NLK: variants seen among roughly 807,000 people sequenced by gnomAD.
NLK encodes nemo like kinase, also known as serine/threonine-protein kinase NLK.
A neutral mutation model predicts 59.0 loss-of-function variants in NLK; 11 were observed. The ratio of observed to expected loss-of-function variants is 0.19; its 90% CI spans 0.12 to 0.31. The LOEUF (loss-of-function observed/expected upper bound fraction) is 0.31, where lower values mean the gene tolerates loss of function less well. Among genes scored for constraint, NLK ranks in the 10% least tolerant of loss-of-function variants. The pLI is 1.00. For synonymous variants in NLK, 235 were observed against 235.9 expected, an observed-to-expected ratio of 1.00 and a Z score of 0.03; for missense variants, 410 against 661.1, an observed-to-expected ratio of 0.62 and a Z score of 4.16.
At chr17:28,084,688 C>T (rs1190361415) in intron 1 of NLK, among the ~76,000 whole-genome samples, 3 of 152,220 alleles carry the variant, frequency 2.0e-5, no homozygotes, top group East Asian at 1.9e-4. Context: ...CTCAGCCTCC[C>T]GAGTAGCTGA....
At chr17:28,146,407 CGAT>C (rs942764425) in intron 3 of NLK, among the ~76,000 whole-genome samples, 2 of 63,386 alleles carry the variant, frequency 3.2e-5, no homozygotes, top group Non-Finnish European at 6.4e-5. Context: ...ATGATGATGA[CGAT>C]GATGATGATG....
chr17:28,122,820 C>G, intron 2 of NLK, 88 bp downstream of exon 2: 3 of 1,466,898 alleles, frequency 2.0e-6, no homozygotes, highest in East Asian at 2.3e-5. Flanking sequence ...AAAAGGGCAC[C>G]TATAAGTAAA....
chr17:28,094,103 ATACT>A (rs1266900900), intron 1 of NLK, among the ~76,000 whole-genome samples: 2 of 152,338 alleles, frequency 1.3e-5, no homozygotes, highest in Non-Finnish European at 2.9e-5. Flanking sequence ...TCATCAGATG[ATACT>A]TAATAACTTG....
rs918123043 is a variant in NLK at position 28,165,174 on chromosome 17, T to A, written c.837+1546T>A. ...CCTATCCCCATAATCGTTTTTTAATTAAAAAAAAAATTTAAACCTTATAGT... is the reference window on the plus strand; with the variant it reads ...CCTATCCCCATAATCGTTTTTTAATAAAAAAAAAAATTTAAACCTTATAGT... On this transcript the variant is annotated intron_variant, in intron 5 of 10. Transcript: ENST00000407008. 7.4e-4 allele frequency among the ~76,000 whole-genome samples: 112 copies of A among 150,766 alleles called. 4 individuals are homozygous for A. The highest frequency in any genetic ancestry group is 7.3e-3 in the Admixed American group (111 of 15,104).
intron 1 of NLK, among the ~76,000 whole-genome samples, chr17:28,077,276 G>C (rs1910202270): frequency 6.6e-6 from 1 of 151,854 alleles, no homozygotes. Flanking sequence ...GAAGGCCTCA[G>C]AATCATGGTG....
chr17:28,157,274 C>T (rs540756820), intron 3 of NLK, among the ~76,000 whole-genome samples: 2 of 152,286 alleles, frequency 1.3e-5, no homozygotes, highest in African/African-American at 2.4e-5. Context: ...TCACTGCAAC[C>T]TCTGCCTCCT....
At chr17:28,099,268 T>A (rs915036949) in intron 1 of NLK, among the ~76,000 whole-genome samples, 1 of 152,142 alleles carries the variant, frequency 6.6e-6, no homozygotes, top group Non-Finnish European at 1.5e-5. Context: ...TTTTTTAAAA[T>A]TAAGATTTTG....
At chr17:28,062,045 C>T (rs1488156138) in intron 1 of NLK, 2 of 150,702 alleles carry the variant, frequency 1.3e-5, no homozygotes, top group Non-Finnish European at 2.9e-5. Flanking sequence ...GGTTCCAGAC[C>T]TGGAGGTGCC....
At chr17:28,165,768 G>A in intron 5 of NLK, among the ~76,000 whole-genome samples, 1 of 152,036 alleles carries the variant, frequency 6.6e-6, no homozygotes, top group Non-Finnish European at 1.5e-5. Context: ...TAAGGGATTT[G>A]CTTTATAACA....
chr17:28,153,909 C>A (rs1907590975), intron 3 of NLK, among the ~76,000 whole-genome samples: 1 of 152,124 alleles, frequency 6.6e-6, no homozygotes, highest in Non-Finnish European at 1.5e-5. Context: ...AAAATTGTCA[C>A]CCTAGTAGAA....
downstream of NLK, among the ~76,000 whole-genome samples, chr17:28,197,792 A>G (rs1009638692): frequency 6.6e-6 from 1 of 152,198 alleles, no homozygotes; most frequent in African/African-American, 2.4e-5. Context: ...TAAGAATAGA[A>G]TGCAAAATTT....
At chr17:28,142,623 T>G (rs927082999) in intron 3 of NLK, among the ~76,000 whole-genome samples, 1 of 152,206 alleles carries the variant, frequency 6.6e-6, no homozygotes, top group African/African-American at 2.4e-5. Context: ...AGATTGTCAT[T>G]ATCCACGCTA....
chr17:28,113,397 T>TC (rs1392484663), intron 1 of NLK, among the ~76,000 whole-genome samples: 1 of 152,200 alleles, frequency 6.6e-6, no homozygotes, highest in African/African-American at 2.4e-5. Flanking sequence ...GAATGACTAC[T>TC]CCATAGGCAG....
At chr17:28,043,408 T>C in intron 1 of NLK, 77 bp downstream of exon 1, 1 of 1,270,902 alleles carries the variant, frequency 7.9e-7, no homozygotes. Flanking sequence ...TCTCTAATGG[T>C]TGTCTCCATG....
chr17:28,121,562 A>G (rs1906060129), intron 1 of NLK, among the ~76,000 whole-genome samples: 1 of 121,512 alleles, frequency 8.2e-6, no homozygotes, highest in African/African-American at 3.3e-5. Context: ...GAGTGCAGTC[A>G]AGAAATCTTG....
rs371819139 is a variant in NLK, at chr17:28,132,556, A to G, written c.589-64A>G. The G allele has an allele frequency of 1.8e-5, 22 of 1,251,962 alleles. 1 individual carries two copies. Among genetic ancestry groups the G allele is most frequent in the East Asian group, 1.2e-4 (5 of 40,310 alleles). 77.6% of individuals were successfully genotyped at this position (1,251,962 alleles called of 1,614,324 possible). ...TAAAGAGTTGTTAGTATTTACTTGC[A>G]TTTATGTCGAATTTTGTTTCCTTTT... On this transcript the variant is annotated intron_variant, in intron 2 of 10. Transcript: ENST00000407008.
chr17:28,138,539 G>GT (rs1906855050), intron 3 of NLK, among the ~76,000 whole-genome samples: 1 of 152,206 alleles, frequency 6.6e-6, no homozygotes, highest in Admixed American at 6.5e-5. Context: ...ATTTCAGCCA[G>GT]TAAGAGTCTC....
At chr17:28,096,644 T>C (rs1259902844) in intron 1 of NLK, among the ~76,000 whole-genome samples, 1 of 152,168 alleles carries the variant, frequency 6.6e-6, no homozygotes, top group Non-Finnish European at 1.5e-5. Flanking sequence ...TGTAAATTAA[T>C]CAAAGCCCTT....
At chr17:28,182,695 C>T (rs984415378) in intron 7 of NLK, among the ~76,000 whole-genome samples, 4 of 152,088 alleles carry the variant, frequency 2.6e-5, no homozygotes, top group Admixed American at 1.3e-4. Context: ...TGCCTTCCCC[C>T]ACCACCCCAC....
Sources: allele counts gnomAD v4.1 joint callset (sites outside exome capture counted in the v4.1 genomes callset), GRCh38; gene constraint gnomAD v4.1.1; transcripts MANE v1.5; gene names NCBI Gene and HGNC (gene_info 2026-07-23, HGNC 2026-07-21).